NEO1: variants seen among roughly 807,000 people sequenced by gnomAD.
NEO1 encodes the protein neogenin 1, also known as neogenin.
Under a neutral mutation model 159.7 loss-of-function variants are expected in NEO1, and 63 were observed. The ratio of observed to expected loss-of-function variants is 0.39; its 90% CI spans 0.32 to 0.49. NEO1 has a LOEUF of 0.49. NEO1 is among the 20% of genes least tolerant of loss of function. The pLI is 0.85. For synonymous variants in NEO1, 633 were observed against 662.0 expected (o/e 0.96, Z 0.67); for missense variants, 1,615 against 1,831.0 (o/e 0.88, Z 2.15).
chr15:73,152,794 G>C (rs561631906), intron 5 of NEO1, among the ~76,000 whole-genome samples: 1 of 151,746 alleles, frequency 6.6e-6, no homozygotes, highest in Non-Finnish European at 1.5e-5. Flanking sequence ...CTAGGTGTGT[G>C]GGGGGGAAAC....
At chr15:73,098,420 C>G (rs932584079) in intron 1 of NEO1, among the ~76,000 whole-genome samples, 1 of 152,132 alleles carries the variant, frequency 6.6e-6, no homozygotes, top group East Asian at 1.9e-4. Context: ...ATCCCTGTCT[C>G]TTTCACCATA....
chr15:73,152,890 G>A (rs902349405), intron 5 of NEO1, among the ~76,000 whole-genome samples: 1 of 152,066 alleles, frequency 6.6e-6, no homozygotes, highest in Non-Finnish European at 1.5e-5. Flanking sequence ...GCTTGAGAGG[G>A]TGTTTTTGAA....
Position 73,145,113 on chromosome 15 carries a change from A to C in NEO1, c.1015+9086A>C, listed in dbSNP as rs1314069106. ...ATGATATAAATGGTGCTTACAAATT[A>C]ATAAGAACAAGATTAATATCTGTTA... On this transcript the variant is annotated intron_variant, in intron 5 of 28. Coordinates refer to ENST00000261908, the MANE Select transcript of NEO1 (RefSeq NM_002499.4). 2.0e-5 allele frequency among the ~76,000 whole-genome samples: 3 copies of C among 152,224 alleles called. No homozygotes were observed. In the East Asian group the frequency reaches 5.8e-4, roughly 29 times the overall value.
chr15:73,259,015 T>C (rs910289904), intron 14 of NEO1, 139 bp downstream of exon 14: 3 of 668,870 alleles, frequency 4.5e-6, no homozygotes, highest in Non-Finnish European at 7.8e-6. Flanking sequence ...GTTGTTCCTG[T>C]ATTGCATCGA....
intron 13 of NEO1, among the ~76,000 whole-genome samples, chr15:73,257,528 A>C (rs999858830): frequency 2.0e-5 from 3 of 152,214 alleles, no homozygotes; most frequent in African/African-American, 7.2e-5. Context: ...TTGAAGCCTG[A>C]TAAGTATTAG....
intron 5 of NEO1, among the ~76,000 whole-genome samples, chr15:73,175,542 C>A (rs1214695975): frequency 6.6e-6 from 1 of 152,178 alleles, no homozygotes; most frequent in African/African-American, 2.4e-5. Context: ...GCAGGCTGGG[C>A]AGATGTTAGG....
intron 26 of NEO1, among the ~76,000 whole-genome samples, chr15:73,296,198 GT>G (rs973004471): frequency 6.6e-6 from 1 of 152,146 alleles, no homozygotes; most frequent in African/African-American, 2.4e-5. Context: ...GGAGAGGCCG[GT>G]TTGCCCAGAG....
intron 24 of NEO1, 144 bp from the exon 25 acceptor site, chr15:73,289,002 C>A: frequency 1.5e-6 from 1 of 646,376 alleles, no homozygotes; most frequent in Non-Finnish European, 2.8e-6. Flanking sequence ...TCATTTTCCT[C>A]TTTATTTCAC....
At chr15:73,252,495 A>G (rs2150951359) in intron 11 of NEO1, among the ~76,000 whole-genome samples, 1 of 152,284 alleles carries the variant, frequency 6.6e-6, no homozygotes, top group South Asian at 2.1e-4. Context: ...CAGATGGTTC[A>G]CTTTACCAGT....
intron 7 of NEO1, among the ~76,000 whole-genome samples, chr15:73,222,668 C>G (rs184638483): frequency 3.3e-5 from 5 of 152,058 alleles, no homozygotes; most frequent in East Asian, 1.9e-4. Context: ...TGCTTATGGT[C>G]TGTTGGTTTT....
At chr15:73,147,944 G>T (rs2151819030) in intron 5 of NEO1, among the ~76,000 whole-genome samples, 1 of 151,984 alleles carries the variant, frequency 6.6e-6, no homozygotes, top group African/African-American at 2.4e-5. Context: ...CTCCTGAGTA[G>T]CTGGGATTAC....
Position 73,303,560 on chromosome 15 carries a change from T to G in NEO1, c.*864T>G, listed in dbSNP as rs1010677670. 1 of 151,856 alleles carries G rather than the reference T, an allele frequency of 6.6e-6. No homozygotes were observed. Among genetic ancestry groups the G allele is most frequent in the South Asian group, 2.1e-4 (1 of 4,828 alleles). The allele number at this position is 151,856 out of a possible 1,614,324, so 9.4% of individuals were successfully genotyped here. A position where few individuals can be genotyped will look rare whatever the true frequency, so the allele number is the denominator to read the frequency against. On this transcript the variant is annotated 3_prime_UTR_variant, in exon 29 of 29. Coordinates refer to ENST00000261908, the MANE Select transcript of NEO1 (RefSeq NM_002499.4). ...CCTGTGAATGTTTCTGTCATTGTAC[T>G]TTCTTCCAGAAGCCTGCAGAGAATG...
rs139565707 is a variant in NEO1 at position 73,239,993 on chromosome 15, C to T, written c.1451+3487C>T. Among the ~76,000 whole-genome samples, 120 of 152,288 alleles carry T rather than the reference C, an allele frequency of 7.9e-4. 1 individual carries two copies. Among genetic ancestry groups the T allele is most frequent in the African/African-American group, 2.8e-3 (116 of 41,574 alleles). ...CAGTAAGTACCAGTAGAGGTACTTA[C>T]TGACATCTAGTGGATAGAGGCCAGG... On this transcript the variant is annotated intron_variant, in intron 8 of 28. Coordinates refer to ENST00000261908, the MANE Select transcript of NEO1 (RefSeq NM_002499.4).
intron 7 of NEO1, among the ~76,000 whole-genome samples, chr15:73,222,507 A>T (rs1404802419): frequency 6.6e-6 from 1 of 152,094 alleles, no homozygotes; most frequent in Non-Finnish European, 1.5e-5. Flanking sequence ...CCAGGAATTT[A>T]TCCATCCCTT....
chr15:73,251,637 GT>G (rs1315973761), intron 11 of NEO1, among the ~76,000 whole-genome samples: 2 of 151,672 alleles, frequency 1.3e-5, no homozygotes, highest in African/African-American at 4.8e-5. Flanking sequence ...GGAAAAAAAT[GT>G]TTACTGTAGG....
Position 73,283,080 on chromosome 15 carries a change from T to C in NEO1, c.3379T>C (p.Cys1127Arg), listed in dbSNP as rs541190115. ...IVVVVIIAVF[C>R]TRRTTSHQKK... is the part of the protein sequence containing the mutation. Reference sequence around the variant, plus strand: ...GGTGGTTGTGATTATCGCTGTCTTTTGTACCCGTCGTACCACCTCTCACCA... The same window carrying C: ...GGTGGTTGTGATTATCGCTGTCTTTCGTACCCGTCGTACCACCTCTCACCA... Residue 1127 changes from cysteine (C) to arginine (R), a missense_variant, in exon 23 of 29, where the codon TGT (cysteine) becomes CGT (arginine). By Grantham distance (180) the Cys-to-Arg change is radical. Transcript: ENST00000261908. The C allele has an allele frequency of 9.9e-6, 16 of 1,614,240 alleles. No homozygotes were observed. Among genetic ancestry groups the C allele is most frequent in the Non-Finnish European group, 1.4e-5 (16 of 1,180,050 alleles).
chr15:73,092,291 C>T (rs1214182162), intron 1 of NEO1, among the ~76,000 whole-genome samples: 1 of 152,128 alleles, frequency 6.6e-6, no homozygotes, highest in African/African-American at 2.4e-5. Flanking sequence ...CAAGTGTCAG[C>T]TGCTGTAGTT....
chr15:73,228,936 G>A (rs960920096), intron 7 of NEO1, among the ~76,000 whole-genome samples: 1 of 152,040 alleles, frequency 6.6e-6, no homozygotes, highest in Non-Finnish European at 1.5e-5. Flanking sequence ...TGATCGATGT[G>A]CCTATTCATA....
chr15:73,151,101 A>T (rs568872805), intron 5 of NEO1, among the ~76,000 whole-genome samples: 1 of 152,326 alleles, frequency 6.6e-6, no homozygotes, highest in African/African-American at 2.4e-5. Flanking sequence ...CCACATTCTG[A>T]CCCACATTTA....
Sources: gnomAD v4.1 joint callset for allele counts (sites outside exome capture counted in the v4.1 genomes callset) on GRCh38, gnomAD v4.1.1 for gene constraint, MANE v1.5 for transcripts, NCBI Gene and HGNC (gene_info 2026-07-23, HGNC 2026-07-21) for gene names.